CLEC18B: variants seen among roughly 807,000 people sequenced by gnomAD.
CLEC18B encodes C-type lectin domain family 18 member B, also known as mannose receptor-like 2.
CLEC18B carries 5 observed loss-of-function variants against 60.4 expected under a neutral mutation model. The ratio of observed to expected loss-of-function variants is 0.08; its 90% CI spans 0.04 to 0.17. The LOEUF is 0.17. Among genes scored for constraint, CLEC18B ranks in the 10% least tolerant of loss-of-function variants. The probability of loss-of-function intolerance (pLI) is 1.00; values close to 1 mark genes in which losing one functional copy is unlikely to be tolerated. For synonymous variants in CLEC18B, 16 were observed against 221.2 expected (o/e 0.07, Z 8.23); for missense variants, 26 against 572.8 (o/e 0.05, Z 9.74).
chr16:74,410,183 G>C (rs867881864), intron 10 of CLEC18B, among the ~76,000 whole-genome samples: 1,359 of 146,696 alleles, frequency 9.3e-3, no homozygotes, highest in Non-Finnish European at 0.014. Context: ...GTGGGTGACA[G>C]CTAAGGAATG....
At chr16:74,413,328 C>T (rs946358559) in intron 4 of CLEC18B, among the ~76,000 whole-genome samples, 170 bp from the exon 5 acceptor site, 2 of 152,268 alleles carry the variant, frequency 1.3e-5, no homozygotes, top group African/African-American at 4.8e-5. Context: ...AGATGGCCTC[C>T]AAACCAATCC....
At chr16:74,416,120 G>A (rs1166198463) in intron 3 of CLEC18B, among the ~76,000 whole-genome samples, 230 of 151,454 alleles carry the variant, frequency 1.5e-3, no homozygotes, top group Non-Finnish European at 1.6e-3. Context: ...AAAAATAGCC[G>A]GGTGTGGTGG....
intron 3 of CLEC18B, among the ~76,000 whole-genome samples, chr16:74,416,026 C>T (rs1399010070): frequency 5.9e-5 from 9 of 152,376 alleles, no homozygotes; most frequent in African/African-American, 1.2e-4. Context: ...TCTGGGAGGC[C>T]GAGGCAGGCG....
chr16:74,413,803 T>C (rs2013297996), intron 3 of CLEC18B, 127 bp from the exon 4 acceptor site: 1 of 1,542,320 alleles, frequency 6.5e-7, no homozygotes, highest in Non-Finnish European at 8.9e-7. Context: ...GAGCAGCAGC[T>C]GTCCTGGGCA....
chr16:74,416,061 C>T (rs1160628980), intron 3 of CLEC18B, among the ~76,000 whole-genome samples: 1 of 152,206 alleles, frequency 6.6e-6, no homozygotes, highest in Non-Finnish European at 1.5e-5. Context: ...GAGATCAAGA[C>T]CACCCTGGCT....
intron 3 of CLEC18B, among the ~76,000 whole-genome samples, chr16:74,416,168 C>A (rs2013405761): frequency 6.7e-6 from 1 of 150,276 alleles, no homozygotes; most frequent in African/African-American, 2.4e-5. Flanking sequence ...GAGGCTGAGG[C>A]AGGAGAATGG....
chr16:74,418,688 T>G (rs1252027588), intron 2 of CLEC18B, among the ~76,000 whole-genome samples: 1 of 152,208 alleles, frequency 6.6e-6, no homozygotes, highest in Non-Finnish European at 1.5e-5. Context: ...GCTGCCCTCC[T>G]GTGATGCAAA....
rs2142744712 is a variant in CLEC18B at position 74,413,619 on chromosome 16, G to A, written c.514C>T (p.Gln172Ter). ...GCGRHLCSAG[Q>*]TAIEAFVCAY... ...CAGACAAAGGCTTCTATCGCTGTCT[G>A]GCCTGCAGAGCACAGGTGCCGCCCA... The change falls in exon 4 of 12, where the codon CAG becomes TAG. Residue 172 changes from glutamine (Q) to a stop codon, truncating the protein, a stop_gained. Coordinates refer to ENST00000682950, the MANE Select transcript of CLEC18B (RefSeq NM_001385193.1). LOFTEE classifies it high-confidence loss of function. 1.2e-6 allele frequency: 2 copies of A among 1,614,066 alleles called. No individual in the cohort carries two copies. Among genetic ancestry groups the A allele is most frequent in the African/African-American group, 1.3e-5 (1 of 75,066 alleles).
upstream of CLEC18B, among the ~76,000 whole-genome samples, chr16:74,424,199 C>G (rs1597192340): frequency 6.7e-6 from 1 of 148,278 alleles, no homozygotes; most frequent in Non-Finnish European, 1.5e-5. Context: ...GTCATTTTGT[C>G]TCTTCCTGAA....
upstream of CLEC18B, among the ~76,000 whole-genome samples, chr16:74,422,852 A>C: frequency 6.6e-6 from 1 of 151,112 alleles, no homozygotes; most frequent in African/African-American, 2.4e-5. Flanking sequence ...TTTTTGGTAG[A>C]GACAGGATTT....
chr16:74,423,411 G>A (rs1186576739), upstream of CLEC18B, among the ~76,000 whole-genome samples: 7 of 152,274 alleles, frequency 4.6e-5, no homozygotes, highest in African/African-American at 7.2e-5. Flanking sequence ...GTCCCAGGCC[G>A]GGTGTGATGG....
upstream of CLEC18B, among the ~76,000 whole-genome samples, chr16:74,422,867 G>A (rs1368629852): frequency 4.8e-4 from 72 of 149,452 alleles, no homozygotes; most frequent in Admixed American, 8.8e-4. Flanking sequence ...GGATTTCATC[G>A]TCTTGCCCAG....
chr16:74,419,905 G>A (rs1221355506), intron 2 of CLEC18B, among the ~76,000 whole-genome samples: 10 of 151,394 alleles, frequency 6.6e-5, no homozygotes, highest in African/African-American at 1.5e-4. Flanking sequence ...GGAGGGCAGC[G>A]TTTCTGAGCC....
chr16:74,412,603 G>C (rs1253362637), intron 6 of CLEC18B, 170 bp downstream of exon 6: 1 of 1,555,722 alleles, frequency 6.4e-7, no homozygotes, highest in Non-Finnish European at 8.7e-7. Flanking sequence ...TCAGGGTCCG[G>C]CAAACAGCTA....
chr16:74,419,194 G>C (rs566397625), intron 2 of CLEC18B, among the ~76,000 whole-genome samples: 1 of 152,280 alleles, frequency 6.6e-6, no homozygotes, highest in Non-Finnish European at 1.5e-5. Flanking sequence ...ATCTGTAAAC[G>C]GAGCAGGGAG....
intron 7 of CLEC18B, 93 bp downstream of exon 7, chr16:74,412,061 A>C (rs1391090928): frequency 1.4e-6 from 1 of 733,412 alleles, no homozygotes; most frequent in African/African-American, 1.7e-5. Context: ...AGTTGGAAAG[A>C]GAGGCACACA....
chr16:74,423,582 G>A (rs1409954588), upstream of CLEC18B, among the ~76,000 whole-genome samples: 3 of 152,216 alleles, frequency 2.0e-5, no homozygotes, highest in Non-Finnish European at 4.4e-5. Flanking sequence ...CCAGCTACTC[G>A]GTAGGCTGAG....
At chr16:74,419,215 G>A (rs553811512) in intron 2 of CLEC18B, among the ~76,000 whole-genome samples, 1 of 152,404 alleles carries the variant, frequency 6.6e-6, no homozygotes, top group South Asian at 2.1e-4. Flanking sequence ...GTGCCTGCAG[G>A]ATAGGACTCA....
intron 1 of CLEC18B, 125 bp downstream of exon 1, chr16:74,421,022 C>G (rs1790511981): frequency 7.3e-7 from 1 of 1,378,140 alleles, no homozygotes; most frequent in Admixed American, 3.0e-5. Flanking sequence ...CCAGGGCTTC[C>G]TCATTAAACC....
Sources: gnomAD v4.1 joint callset for allele counts (sites outside exome capture counted in the v4.1 genomes callset) on GRCh38, gnomAD v4.1.1 for gene constraint, MANE v1.5 for transcripts, NCBI Gene and HGNC (gene_info 2026-07-23, HGNC 2026-07-21) for gene names.